The following ANKS1B variants were observed in gnomAD, a reference collection of about 807,000 sequenced individuals.
ANKS1B encodes ankyrin repeat and sterile alpha motif domain-containing protein 1B.
ANKS1B carries 36 observed loss-of-function variants against 148.3 expected under a neutral mutation model. That is an observed-to-expected ratio of 0.24 (90% confidence interval 0.19 to 0.32). The LOEUF is 0.32. Among genes scored for constraint, ANKS1B ranks in the 10% least tolerant of loss-of-function variants. ANKS1B has a pLI of 1.00. For synonymous variants in ANKS1B, 542 were observed against 560.8 expected, an observed-to-expected ratio of 0.97 and a Z score of 0.47; for missense variants, 1,157 against 1,542.6, an observed-to-expected ratio of 0.75 and a Z score of 4.19.
chr12:99,652,586 T>C (rs926427203), intron 9 of ANKS1B, among the ~76,000 whole-genome samples: 4 of 152,106 alleles, frequency 2.6e-5, no homozygotes, highest in Middle Eastern at 3.2e-3. Context: ...CTCAAGTACA[T>C]TTATAGATTT....
chr12:98,861,958 G>GT (rs370633897), intron 17 of ANKS1B, among the ~76,000 whole-genome samples: 33 of 148,746 alleles, frequency 2.2e-4, no homozygotes, highest in South Asian at 6.3e-4. Flanking sequence ...TGACAGATGA[G>GT]TTTTTTTTTA....
intron 8 of ANKS1B, among the ~76,000 whole-genome samples, chr12:99,708,900 A>C (rs1442507146): frequency 2.6e-5 from 4 of 152,122 alleles, no homozygotes; most frequent in Non-Finnish European, 5.9e-5. Context: ...TAAATGTTTT[A>C]ATTGGAAGCT....
intron 16 of ANKS1B, among the ~76,000 whole-genome samples, chr12:99,069,346 T>A (rs1298007698): frequency 6.6e-6 from 1 of 152,202 alleles, no homozygotes; most frequent in East Asian, 1.9e-4. Flanking sequence ...GGGAAATTGA[T>A]CTCTCTATAT....
chr12:99,141,802 A>G (rs2070913298), intron 15 of ANKS1B, among the ~76,000 whole-genome samples: 1 of 152,018 alleles, frequency 6.6e-6, no homozygotes, highest in East Asian at 1.9e-4. Context: ...GAGTATATGT[A>G]CTACATTTTC....
At position 98,745,133 on chromosome 12, in the gene ANKS1B, G is replaced by A; in HGVS notation, c.*606C>T. ...TTTTGAACCAATCATTTGGTTGAAA[G>A]GTTTTCTTTCTCTGACATAGGTGAT... is the stretch of plus-strand genomic sequence containing the variant. On this transcript the variant is annotated 3_prime_UTR_variant, in exon 27 of 27. Coordinates refer to ENST00000683438, the MANE Select transcript of ANKS1B (RefSeq NM_001352186.2). 1.0e-6 allele frequency: 1 copy of A among 985,722 alleles called. No individual in the cohort carries two copies. Among genetic ancestry groups the A allele is most frequent in the South Asian group, 4.7e-5 (1 of 21,278 alleles). 61.1% of individuals were successfully genotyped at this position (985,722 alleles called of 1,614,324 possible). A position where few individuals can be genotyped will look rare whatever the true frequency, so the allele number is the denominator to read the frequency against.
At position 99,636,352 on chromosome 12, in the gene ANKS1B, G is replaced by A. The variant is rs1174416198; in HGVS notation, c.1272+18715C>T. Among the ~76,000 whole-genome samples the A allele has an allele frequency of 2.6e-5, 4 of 152,046 alleles. No homozygotes were observed. In the East Asian group the frequency reaches 7.7e-4, roughly 29 times the overall value. ...TATCAACTGATCAATACAAAATCTT[G>A]TTTTGTATATGCTTCTGTTTAAAGA... is the stretch of plus-strand genomic sequence containing the variant. On this transcript the variant is annotated intron_variant, in intron 9 of 26. Transcript: ENST00000683438.
At chr12:98,811,092 G>A (rs1426178530) in intron 19 of ANKS1B, among the ~76,000 whole-genome samples, 1 of 152,158 alleles carries the variant, frequency 6.6e-6, no homozygotes. Flanking sequence ...TTCAGCTAAC[G>A]TTAACATGGT....
chr12:99,388,541 A>G (rs2093957770), intron 12 of ANKS1B, among the ~76,000 whole-genome samples: 2 of 152,222 alleles, frequency 1.3e-5, no homozygotes, highest in Non-Finnish European at 2.9e-5. Context: ...TCAGAGGAGC[A>G]TGGGATATGT....
intron 1 of ANKS1B, among the ~76,000 whole-genome samples, chr12:99,843,472 C>T (rs546136812): frequency 2.6e-5 from 4 of 152,150 alleles, no homozygotes; most frequent in African/African-American, 9.6e-5. Flanking sequence ...GGGTTCTCAT[C>T]ATTTGCCTCC....
At chr12:99,755,594 C>CAAAAAAAAAAAAAAAAAAAAAAAAAA (rs369571107) in intron 8 of ANKS1B, among the ~76,000 whole-genome samples, 1 of 123,258 alleles carries the variant, frequency 8.1e-6, no homozygotes, top group African/African-American at 3.1e-5. Flanking sequence ...CAAAAATCCT[C>CAAAAAAAAAAAAAAAAAAAAAAAAAA]AAAAAAAAAA....
At chr12:98,940,656 AT>A (rs1465501184) in intron 17 of ANKS1B, among the ~76,000 whole-genome samples, 1 of 152,156 alleles carries the variant, frequency 6.6e-6, no homozygotes, top group Admixed American at 6.6e-5. Context: ...TGTACTATTT[AT>A]TTTTGTATTC....
intron 8 of ANKS1B, among the ~76,000 whole-genome samples, chr12:99,741,999 GA>G (rs2060160687): frequency 6.6e-6 from 1 of 152,102 alleles, no homozygotes. Context: ...AGTAACACAG[GA>G]AGAGAAAACC....
intron 19 of ANKS1B, among the ~76,000 whole-genome samples, chr12:98,827,351 T>C (rs528692753): frequency 5.3e-5 from 8 of 152,332 alleles, no homozygotes; most frequent in Middle Eastern, 6.8e-3. Flanking sequence ...TCATCGTTAG[T>C]ACTCCACATG....
At chr12:99,121,702 GCTCA>G (rs1360626596) in intron 15 of ANKS1B, among the ~76,000 whole-genome samples, 1 of 152,162 alleles carries the variant, frequency 6.6e-6, no homozygotes, top group Non-Finnish European at 1.5e-5. Flanking sequence ...AACAGTGGCT[GCTCA>G]CTGAGTGTTG....
intron 24 of ANKS1B, among the ~76,000 whole-genome samples, chr12:98,774,289 G>C (rs2098643829): frequency 2.0e-5 from 3 of 152,182 alleles, no homozygotes; most frequent in Admixed American, 2.0e-4. Flanking sequence ...TGGAGCTCAG[G>C]CTCTTTGAAA....
chr12:98,755,050 G>C (rs2098198497), intron 25 of ANKS1B, among the ~76,000 whole-genome samples: 1 of 152,044 alleles, frequency 6.6e-6, no homozygotes, highest in South Asian at 2.1e-4. Flanking sequence ...TGGATGCCAG[G>C]AGGGCCCATG....
At chr12:98,888,838 ATCT>A (rs1010021136) in intron 17 of ANKS1B, among the ~76,000 whole-genome samples, 1 of 152,112 alleles carries the variant, frequency 6.6e-6, no homozygotes, top group African/African-American at 2.4e-5. Flanking sequence ...ATCTGAAATG[ATCT>A]TCTCCATTTA....
At chr12:98,886,993 A>G (rs1178510531) in intron 17 of ANKS1B, among the ~76,000 whole-genome samples, 3 of 152,234 alleles carry the variant, frequency 2.0e-5, no homozygotes, top group African/African-American at 7.2e-5. Context: ...TAGGCAATTC[A>G]GTGATGAATC....
At chr12:99,545,326 G>A (rs531201454) in intron 9 of ANKS1B, among the ~76,000 whole-genome samples, 2 of 152,156 alleles carry the variant, frequency 1.3e-5, no homozygotes, top group African/African-American at 4.8e-5. Flanking sequence ...TATTTCATAA[G>A]GGATAAAAGC....
Sources: gnomAD v4.1 joint callset for allele counts (sites outside exome capture counted in the v4.1 genomes callset) on GRCh38, gnomAD v4.1.1 for gene constraint, MANE v1.5 for transcripts, NCBI Gene and HGNC (gene_info 2026-07-23, HGNC 2026-07-21) for gene names.